The following CORO2A variants were observed in gnomAD, a reference collection of about 807,000 sequenced individuals.
CORO2A encodes the protein coronin-2A.
Under a neutral mutation model 62.4 loss-of-function variants are expected in CORO2A, and 47 were observed. The observed-to-expected ratio is 0.75, with a 90% CI of 0.60 to 0.96. The LOEUF (loss-of-function observed/expected upper bound fraction) is 0.96. Among genes scored for constraint, CORO2A ranks in the 40% least tolerant of loss-of-function variants. CORO2A has a pLI of 0.00. For missense variants in CORO2A, 610 were observed against 684.1 expected, an observed-to-expected ratio of 0.89 and a Z score of 1.21; for synonymous variants, 273 against 268.9, an observed-to-expected ratio of 1.02 and a Z score of -0.15.
chr9:98,135,543 G>A (rs1243683457), intron 3 of CORO2A, among the ~76,000 whole-genome samples: 1 of 152,152 alleles, frequency 6.6e-6, no homozygotes, highest in Admixed American at 6.5e-5. Flanking sequence ...CCTGAGAAGA[G>A]GTGCTGGGAC....
intron 1 of CORO2A, among the ~76,000 whole-genome samples, chr9:98,169,409 C>T (rs1828003823): frequency 6.6e-6 from 1 of 152,120 alleles, no homozygotes. Flanking sequence ...CTGCCTCCTC[C>T]CCAGCCCTGC....
chr9:98,182,470 C>T (rs979147096), intron 1 of CORO2A, among the ~76,000 whole-genome samples: 2 of 152,294 alleles, frequency 1.3e-5, no homozygotes, highest in South Asian at 4.1e-4. Context: ...ACACTCCCCA[C>T]CCCCATTACT....
intron 1 of CORO2A, among the ~76,000 whole-genome samples, chr9:98,170,414 T>A (rs981610362): frequency 6.6e-6 from 1 of 152,230 alleles, no homozygotes; most frequent in African/African-American, 2.4e-5. Flanking sequence ...GCAGTTGTGC[T>A]GGTCAGGCTG....
intron 1 of CORO2A, among the ~76,000 whole-genome samples, chr9:98,158,039 T>C (rs1029317220): frequency 2.6e-5 from 4 of 152,322 alleles, no homozygotes; most frequent in Admixed American, 1.3e-4. Flanking sequence ...CAATGTGCTG[T>C]CTGGAGCCAG....
intron 1 of CORO2A, among the ~76,000 whole-genome samples, chr9:98,162,137 C>G (rs1044126702): frequency 6.6e-6 from 1 of 152,298 alleles, no homozygotes; most frequent in African/African-American, 2.4e-5. Context: ...GGCCAGTAAC[C>G]GGGTCACACA....
intron 2 of CORO2A, among the ~76,000 whole-genome samples, chr9:98,144,963 C>T (rs1005191009): frequency 2.0e-5 from 3 of 152,030 alleles, no homozygotes; most frequent in Non-Finnish European, 4.4e-5. Context: ...AGGGACCGCC[C>T]AGAGGAGGCT....
At chr9:98,169,181 G>A (rs1253134803) in intron 1 of CORO2A, among the ~76,000 whole-genome samples, 6 of 152,146 alleles carry the variant, frequency 3.9e-5, no homozygotes, top group African/African-American at 9.7e-5. Flanking sequence ...AAAGAGTCCC[G>A]TCCTCAGGTT....
chr9:98,137,732 A>C (rs1246541875), intron 2 of CORO2A, 44 bp from the exon 3 acceptor site: 1 of 1,409,800 alleles, frequency 7.1e-7, no homozygotes, highest in Non-Finnish European at 1.0e-6. Context: ...GGTGGATTCC[A>C]CATTAGCATC....
chr9:98,137,612 A>G lies in CORO2A; in HGVS notation c.278T>C (p.Phe93Ser). The change falls in exon 3 of 12, where the codon TTT (phenylalanine) becomes TCT (serine). Residue 93 changes from phenylalanine to serine, a missense_variant. By Grantham distance (155) the Phe-to-Ser change is radical (BLOSUM62 -2). Transcript: ENST00000375077. ...ACAGGAGGCGATCTCAAAATCATCAAAAGGGTTCCACTTGACATCCAAAAC... is the reference window on the plus strand; with the variant it reads ...ACAGGAGGCGATCTCAAAATCATCAGAAGGGTTCCACTTGACATCCAAAAC... ...GNVLDVKWNP[F>S]DDFEIASCSE... 1 of 1,614,170 alleles carries G rather than the reference A, an allele frequency of 6.2e-7. No individual in the cohort carries two copies. Among genetic ancestry groups the G allele is most frequent in the Non-Finnish European group, 8.5e-7 (1 of 1,180,018 alleles).
chr9:98,157,975 C>T (rs1469663109), intron 1 of CORO2A, among the ~76,000 whole-genome samples: 2 of 152,168 alleles, frequency 1.3e-5, no homozygotes, highest in African/African-American at 4.8e-5. Flanking sequence ...ACATTGACCC[C>T]CATCTGCTGT....
intron 1 of CORO2A, among the ~76,000 whole-genome samples, chr9:98,181,027 C>T (rs1004318296): frequency 2.6e-5 from 4 of 152,242 alleles, no homozygotes; most frequent in African/African-American, 9.6e-5. Context: ...CCTCACGCCA[C>T]TGACTTTTTT....
At chr9:98,183,930 C>T (rs1321572890) in intron 1 of CORO2A, among the ~76,000 whole-genome samples, 6 of 152,170 alleles carry the variant, frequency 3.9e-5, no homozygotes, top group Non-Finnish European at 1.5e-5. Context: ...CACTACACTC[C>T]AGCCTGGGTG....
chr9:98,135,412 C>T (rs1341512276), intron 3 of CORO2A, among the ~76,000 whole-genome samples: 3 of 152,206 alleles, frequency 2.0e-5, no homozygotes, highest in South Asian at 4.1e-4. Context: ...GAGGTCTCTG[C>T]AGCAGGGCAG....
chr9:98,153,102 CTTTT>C (rs1172812166), intron 2 of CORO2A, among the ~76,000 whole-genome samples: 5 of 152,152 alleles, frequency 3.3e-5, no homozygotes, highest in Middle Eastern at 6.8e-3. Context: ...AACTTTTTCT[CTTTT>C]TTTGTTATTT....
At chr9:98,148,444 GA>G (rs1231379042) in intron 2 of CORO2A, among the ~76,000 whole-genome samples, 1 of 147,214 alleles carries the variant, frequency 6.8e-6, no homozygotes, top group African/African-American at 2.5e-5. Context: ...TTTAAAAAAA[GA>G]AAGAAGGAAC....
In CORO2A at chr9:98,128,734, G is replaced by A. The variant is rs749929107; in HGVS notation, c.968-15C>T. On this transcript the variant is annotated splice_polypyrimidine_tract_variant and intron_variant, in intron 8 of 11. Coordinates refer to ENST00000375077, the MANE Select transcript of CORO2A (RefSeq NM_052820.4). ...TGGCATGACACCTGAAGGCAGACAG[G>A]GAGGGCCAAGAGGTTCTGGCTAGGC... 3 of 1,610,342 alleles carry A rather than the reference G, an allele frequency of 1.9e-6. No homozygotes were observed. The highest frequency in any genetic ancestry group is 2.5e-6 in the Non-Finnish European group (3 of 1,176,574).
At chr9:98,171,557 A>G (rs1564215997) in intron 1 of CORO2A, among the ~76,000 whole-genome samples, 1 of 152,206 alleles carries the variant, frequency 6.6e-6, no homozygotes, top group African/African-American at 2.4e-5. Flanking sequence ...TCAGGGCTAA[A>G]GCCAGCGCTG....
At position 98,136,101 on chromosome 9, in the gene CORO2A, C is replaced by T. The variant is rs1472500128; in HGVS notation, c.319-1146G>A. ...TCAGTCCCCCAACAGTCACGTCCTG[C>T]CCTGGGGCATCGGGGAAGGGGCAGT... On this transcript the variant is annotated intron_variant, in intron 3 of 11. Transcript: ENST00000375077. Among the ~76,000 whole-genome samples, 5 of 152,204 alleles carry T rather than the reference C, an allele frequency of 3.3e-5. No individual in the cohort carries two copies. In the East Asian group the frequency reaches 7.7e-4, roughly 23 times the overall value.
At position 98,173,325 on chromosome 9, in the gene CORO2A, C is replaced by T. The variant is rs898778005; in HGVS notation, c.1-15665G>A. On this transcript the variant is annotated intron_variant, in intron 1 of 11. Transcript: ENST00000375077. ...GCCCAGCTCTATGATTCACAACTATCGCTCAGTTTACCCCTCACAACCATC... is the reference window on the plus strand; with the variant it reads ...GCCCAGCTCTATGATTCACAACTATTGCTCAGTTTACCCCTCACAACCATC... Among the ~76,000 whole-genome samples, 4 of 152,206 alleles carry T rather than the reference C, an allele frequency of 2.6e-5. No homozygotes were observed. The South Asian group carries it at 6.2e-4, about 24-fold the overall frequency.
Sources: allele counts gnomAD v4.1 joint callset (sites outside exome capture counted in the v4.1 genomes callset), GRCh38; gene constraint gnomAD v4.1.1; transcripts MANE v1.5; gene names NCBI Gene and HGNC (gene_info 2026-07-23, HGNC 2026-07-21).